INPP5B: variants seen among roughly 807,000 people sequenced by gnomAD.
INPP5B encodes type II inositol 1,4,5-trisphosphate 5-phosphatase.
In INPP5B, 90 loss-of-function variants were observed where a neutral mutation model predicts 118.5. The observed-to-expected ratio is 0.76, with a 90% confidence interval of 0.64 to 0.90. The LOEUF (loss-of-function observed/expected upper bound fraction) is 0.90. INPP5B is among the 40% of genes least tolerant of loss of function. INPP5B has a pLI of 0.00. For missense variants in INPP5B, 984 were observed against 1,125.6 expected, an observed-to-expected ratio of 0.87 and a Z score of 1.80; for synonymous variants, 385 against 418.9, an observed-to-expected ratio of 0.92 and a Z score of 0.99.
intron 16 of INPP5B, among the ~76,000 whole-genome samples, chr1:37,877,871 G>T (rs1310922052): frequency 1.3e-5 from 2 of 152,102 alleles, no homozygotes; most frequent in Admixed American, 6.5e-5. Context: ...TGTATAATAT[G>T]ATCTCTTTTA....
intron 7 of INPP5B, among the ~76,000 whole-genome samples, chr1:37,900,765 A>C (rs183977891): frequency 4.6e-4 from 70 of 150,980 alleles, no homozygotes; most frequent in Non-Finnish European, 1.3e-4. Context: ...TGTAGCTGGG[A>C]CTACAGGTAG....
In INPP5B at chr1:37,896,305, C is replaced by G. The variant is rs1249977920; in HGVS notation, c.533-4851G>C. The stretch of plus-strand genomic sequence containing the variant: ...CCGCCCCGTCTGAGAAGTGAGGAGA[C>G]CCTCTGCCTGGCAACCGCCCCGTCT... On this transcript the variant is annotated intron_variant, in intron 7 of 23. Coordinates refer to ENST00000373024, the MANE Select transcript of INPP5B (RefSeq NM_005540.3). Among the ~76,000 whole-genome samples, 16 of 136,756 alleles carry G rather than the reference C, an allele frequency of 1.2e-4. No homozygotes were observed. The South Asian group carries it at 1.2e-3, about 10-fold the overall frequency. The allele number at this position is 136,756 out of a possible 152,430, so 89.7% of individuals were successfully genotyped here.
In INPP5B at chr1:37,860,796, G is replaced by A. The variant is rs1039665733; in HGVS notation, c.*1519C>T. ...CTTGCTGGCCCAGAAAATCCCACTT[G>A]TTTCACCGAACACTCATTTTTTCAG... On this transcript the variant is annotated 3_prime_UTR_variant, in exon 24 of 24. Transcript: ENST00000373024. 10 of 152,324 alleles carry A rather than the reference G, an allele frequency of 6.6e-5. No homozygotes were observed. Among genetic ancestry groups the A allele is most frequent in the African/African-American group, 2.4e-4 (10 of 41,566 alleles). The allele number at this position is 152,324 out of a possible 1,614,324, so 9.4% of individuals were successfully genotyped here. A position where few individuals can be genotyped will look rare whatever the true frequency, so the allele number is the denominator to read the frequency against.
chr1:37,864,040 C>G (rs1641876920), intron 23 of INPP5B, among the ~76,000 whole-genome samples: 1 of 151,870 alleles, frequency 6.6e-6, no homozygotes, highest in South Asian at 2.1e-4. Flanking sequence ...GTCTTGAACT[C>G]CTGACCTCAG....
At chr1:37,940,528 G>C (rs567433899) in intron 6 of INPP5B, among the ~76,000 whole-genome samples, 160 bp downstream of exon 6, 2 of 152,202 alleles carry the variant, frequency 1.3e-5, no homozygotes, top group South Asian at 4.1e-4. Flanking sequence ...CAAACACCAT[G>C]GTTGGCTGGC....
chr1:37,946,368 C>T, intron 1 of INPP5B, 34 bp from the exon 2 acceptor site: 1 of 1,512,622 alleles, frequency 6.6e-7, no homozygotes, highest in Non-Finnish European at 9.0e-7. Flanking sequence ...CCGCTTTGGT[C>T]AACAAGTTAC....
intron 13 of INPP5B, chr1:37,883,621 C>T (rs1304009605): frequency 2.5e-5 from 25 of 985,300 alleles, no homozygotes; most frequent in Non-Finnish European, 2.9e-5. Context: ...TTAATGCATC[C>T]ACAAACTAAA....
At chr1:37,914,877 A>G (rs1320258204) in intron 7 of INPP5B, among the ~76,000 whole-genome samples, 1 of 152,140 alleles carries the variant, frequency 6.6e-6, no homozygotes, top group East Asian at 1.9e-4. Context: ...GGCACACACC[A>G]GGCAGTCAGT....
intron 7 of INPP5B, among the ~76,000 whole-genome samples, chr1:37,927,756 C>T (rs913194639): frequency 2.0e-4 from 30 of 152,172 alleles, no homozygotes; most frequent in Non-Finnish European, 3.5e-4. Context: ...CCAGGATGGT[C>T]TCAATCTCCT....
At chr1:37,937,099 T>A (rs1645727022) in intron 6 of INPP5B, among the ~76,000 whole-genome samples, 1 of 151,202 alleles carries the variant, frequency 6.6e-6, no homozygotes, top group African/African-American at 2.4e-5. Context: ...GATCACAAGG[T>A]CAGGAGTTCG....
rs773387490 is a variant in INPP5B at position 37,945,756 on chromosome 1, G to A, written c.152C>T (p.Ala51Val). Reference protein sequence around the residue: ...YRLEHGGQEHALFLYTHRRMA... With the variant: ...YRLEHGGQEHVLFLYTHRRMA... Reference sequence around the variant, plus strand: ...GGTGGGGACCAAGCCCCTCACTCACGCGTGTTCCTGGCCGCCGTGCTCCAG... The same window carrying A: ...GGTGGGGACCAAGCCCCTCACTCACACGTGTTCCTGGCCGCCGTGCTCCAG... Residue 51 changes from alanine (A) to valine (V), a missense_variant and splice_region_variant, in exon 3 of 24, where the codon GCT (alanine) becomes GTT (valine). By Grantham distance (64) the Ala-to-Val change is moderately conservative. Transcript: ENST00000373024. 28 of 1,612,508 alleles carry A rather than the reference G, an allele frequency of 1.7e-5. 1 individual carries two copies. Among genetic ancestry groups the A allele is most frequent in the South Asian group, 7.7e-5 (7 of 90,978 alleles).
intron 12 of INPP5B, among the ~76,000 whole-genome samples, chr1:37,886,134 G>T (rs554694538): frequency 6.6e-6 from 1 of 151,748 alleles, no homozygotes; most frequent in African/African-American, 2.4e-5. Context: ...CTGAGATCAC[G>T]CCACTGCACT....
chr1:37,934,548 T>C (rs186252437), intron 6 of INPP5B, among the ~76,000 whole-genome samples: 175 of 152,310 alleles, frequency 1.1e-3, no homozygotes, highest in Non-Finnish European at 1.9e-3. Flanking sequence ...AAAAACCTAG[T>C]TCCTTTTGCC....
rs755495430 is a variant in INPP5B, at chr1:37,886,962, C to T, written c.1057G>A (p.Val353Ile). Residue 353 changes from valine (V) to isoleucine (I), a missense_variant, in exon 12 of 24, where the codon GTC becomes ATC. By Grantham distance (29) the Val-to-Ile change is conservative. Around this residue, in one of 2 missense-constraint regions of INPP5B, gnomAD observed 634 missense variants for 791.0 expected, o/e 0.80. Transcript: ENST00000373024. ...ATATAAGCTGCATGCTCCTGTTTGA[C>T]ATATAACAGCAGCATAATCCCAACC... ...RLVGIMLLLY[V>I]KQEHAAYISE... 1 of 1,614,166 alleles carries T rather than the reference C, an allele frequency of 6.2e-7. No homozygotes were observed. Among genetic ancestry groups the T allele is most frequent in the Non-Finnish European group, 8.5e-7 (1 of 1,180,018 alleles).
intron 14 of INPP5B, among the ~76,000 whole-genome samples, chr1:37,880,652 G>C (rs928421012): frequency 1.3e-5 from 2 of 152,020 alleles, no homozygotes; most frequent in African/African-American, 4.8e-5. Flanking sequence ...TGGCAAGGCT[G>C]GTCTCGAACT....
At chr1:37,912,796 T>TACCTCTCTACCTCTACC (rs1644744446) in intron 7 of INPP5B, among the ~76,000 whole-genome samples, 2 of 152,166 alleles carry the variant, frequency 1.3e-5, no homozygotes, top group South Asian at 2.1e-4. Flanking sequence ...TTCCCATTCT[T>TACCTCTCTACCTCTACC]ATGCCATCCT....
intron 7 of INPP5B, among the ~76,000 whole-genome samples, chr1:37,902,982 CAA>C (rs199834282): frequency 7.4e-6 from 1 of 135,220 alleles, no homozygotes. Flanking sequence ...GACCCTGTCT[CAA>C]AAAAAAAAAA....
chr1:37,881,485 T>C (rs1401003290), intron 14 of INPP5B, among the ~76,000 whole-genome samples: 2 of 152,176 alleles, frequency 1.3e-5, no homozygotes, highest in Non-Finnish European at 2.9e-5. Flanking sequence ...AGCTCTAACA[T>C]TGCACATGGT....
intron 7 of INPP5B, among the ~76,000 whole-genome samples, chr1:37,912,107 G>GCTGCT (rs1644720653): frequency 6.6e-6 from 1 of 152,254 alleles, no homozygotes; most frequent in Admixed American, 6.5e-5. Flanking sequence ...AATTCGCTAG[G>GCTGCT]CTGCTCATCT....
Sources: gnomAD v4.1 joint callset for allele counts (sites outside exome capture counted in the v4.1 genomes callset) on GRCh38, gnomAD v4.1.1 for gene constraint, gnomAD v4.1.1 regional missense constraint, MANE v1.5 for transcripts, NCBI Gene and HGNC (gene_info 2026-07-23, HGNC 2026-07-21) for gene names.